ZNF654: variants seen among roughly 807,000 people sequenced by gnomAD.
ZNF654 encodes the protein melanoma-associated antigen.
Under a neutral mutation model 95.3 loss-of-function variants are expected in ZNF654, and 19 were observed. The ratio of observed to expected loss-of-function variants is 0.20; its 90% CI spans 0.14 to 0.29. ZNF654 has a LOEUF of 0.29. ZNF654 is among the 10% of genes least tolerant of loss of function. The pLI is 1.00. For missense variants in ZNF654, 1,046 were observed against 1,341.0 expected, an observed-to-expected ratio of 0.78 and a Z score of 3.44; for synonymous variants, 413 against 457.9, an observed-to-expected ratio of 0.90 and a Z score of 1.25.
Position 88,129,774 on chromosome 3 carries a change from T to G in ZNF654, c.841T>G (p.Cys281Gly), listed in dbSNP as rs1706336866. ...CAAAACTATGTTAGCCTTGCAACTC[T>G]GTGAATCCTTTCTTATTCCACAGCT... ...EGKTMLALQL[C>G]ESFLIPQLQN... The change falls in exon 6 of 9, where the codon TGT becomes GGT. Residue 281 changes from cysteine to glycine, a missense_variant. Transcript: ENST00000636215. 1 of 1,527,882 alleles carries G rather than the reference T, an allele frequency of 6.5e-7. No homozygotes were observed. Among genetic ancestry groups the G allele is most frequent in the South Asian group, 1.2e-5 (1 of 82,982 alleles). 94.6% of individuals were successfully genotyped at this position (1,527,882 alleles called of 1,614,324 possible).
At chr3:88,081,162 A>AT (rs1211068836) in intron 1 of ZNF654, among the ~76,000 whole-genome samples, 1 of 152,130 alleles carries the variant, frequency 6.6e-6, no homozygotes, top group Non-Finnish European at 1.5e-5. Context: ...CAATCTATGC[A>AT]TTTTTGGCAG....
chr3:88,073,753 T>C (rs891658609), intron 1 of ZNF654, among the ~76,000 whole-genome samples: 1 of 152,116 alleles, frequency 6.6e-6, no homozygotes, highest in African/African-American at 2.4e-5. Flanking sequence ...AGTGCATTCT[T>C]CTTAAAAAAA....
chr3:88,119,411 A>AGGGGGGG (rs1705629599), intron 3 of ZNF654, among the ~76,000 whole-genome samples: 42 of 37,202 alleles, frequency 1.1e-3, no homozygotes, highest in Admixed American at 1.8e-3. Context: ...GGGAGGGGGG[A>AGGGGGGG]GGGATAGCAT....
At chr3:88,095,513 A>G (rs1704007279) in intron 2 of ZNF654, 2 of 484,874 alleles carry the variant, frequency 4.1e-6, no homozygotes, top group Non-Finnish European at 8.2e-6. Flanking sequence ...GACAGTTCAC[A>G]TTAGCTTCTT....
At chr3:88,089,638 T>A (rs1218862651) in intron 2 of ZNF654, among the ~76,000 whole-genome samples, 2 of 152,170 alleles carry the variant, frequency 1.3e-5, no homozygotes, top group Non-Finnish European at 2.9e-5. Flanking sequence ...CCATCTTTCC[T>A]CTTTGGGCTT....
chr3:88,111,613 A>T (rs1276308062), intron 2 of ZNF654, among the ~76,000 whole-genome samples: 1 of 151,906 alleles, frequency 6.6e-6, no homozygotes, highest in Non-Finnish European at 1.5e-5. Context: ...CATTCTGAAT[A>T]TTTCCAGTTT....
chr3:88,096,561 T>C (rs1284897937), intron 2 of ZNF654, among the ~76,000 whole-genome samples: 3 of 152,148 alleles, frequency 2.0e-5, no homozygotes, highest in Non-Finnish European at 4.4e-5. Context: ...GAATTTTAGA[T>C]TGGCAATTTT....
At chr3:88,119,464 C>T (rs1337376610) in intron 3 of ZNF654, among the ~76,000 whole-genome samples, 39 of 146,664 alleles carry the variant, frequency 2.7e-4, no homozygotes, top group Admixed American at 1.3e-3. Context: ...AGTGGGTGTG[C>T]GCACCAGCAT....
rs67376749 is a variant in ZNF654, at chr3:88,059,390, C to G, written c.71C>G (p.Pro24Arg). 3 of 1,535,258 alleles carry G rather than the reference C, an allele frequency of 2.0e-6. No homozygotes were observed. The highest frequency in any genetic ancestry group is 8.7e-7 in the Non-Finnish European group (1 of 1,146,684). Residue 24 changes from proline to arginine, a missense_variant, in exon 1 of 9, where the codon CCG becomes CGG. Pro to Arg is a moderately radical substitution (Grantham distance 103, BLOSUM62 -2). This residue lies in a region of ZNF654 where 89 missense variants were observed against 77.9 expected (regional missense o/e 1.14). Transcript: ENST00000636215. Reference sequence around the variant, plus strand: ...GAGCTTGTGGCCATTGTGGAGTCCCCGCTGGGCCCTGTGGGGCTTAGAGCT... The same window carrying G: ...GAGCTTGTGGCCATTGTGGAGTCCCGGCTGGGCCCTGTGGGGCTTAGAGCT... ...GEELVAIVES[P>R]LGPVGLRAAG...
intron 2 of ZNF654, among the ~76,000 whole-genome samples, chr3:88,099,508 C>T (rs995934423): frequency 1.3e-5 from 2 of 151,994 alleles, no homozygotes; most frequent in East Asian, 1.9e-4. Flanking sequence ...AAAAAGAGCC[C>T]GCATTGCCAA....
chr3:88,059,564 C>G (rs1434733764), intron 1 of ZNF654, 59 bp downstream of exon 1: 23 of 1,444,414 alleles, frequency 1.6e-5, no homozygotes, highest in Non-Finnish European at 2.1e-5. Context: ...CTCTGCGTCT[C>G]CTGGTCTTCT....
chr3:88,061,103 G>C (rs9310066), intron 1 of ZNF654, among the ~76,000 whole-genome samples: 119,121 of 152,034 alleles, frequency 0.78, 47,575 homozygotes, highest in South Asian at 0.91. Context: ...CACTTGTTTT[G>C]TAACTATACC....
chr3:88,083,446 A>G (rs1424247971), intron 1 of ZNF654, among the ~76,000 whole-genome samples: 1 of 152,150 alleles, frequency 6.6e-6, no homozygotes. Flanking sequence ...GTGCTGCTGG[A>G]TTATTAGCAT....
intron 2 of ZNF654, among the ~76,000 whole-genome samples, chr3:88,093,158 C>CT (rs1433883627): frequency 6.6e-6 from 1 of 152,136 alleles, no homozygotes; most frequent in Non-Finnish European, 1.5e-5. Flanking sequence ...AGTTGGGGGA[C>CT]TTTTGCAAAT....
At chr3:88,101,050 T>G (rs1412753640) in intron 2 of ZNF654, among the ~76,000 whole-genome samples, 1 of 152,210 alleles carries the variant, frequency 6.6e-6, no homozygotes, top group East Asian at 1.9e-4. Context: ...GTTATCAGTA[T>G]ATTGTCAATC....
At chr3:88,107,718 T>C (rs368473045) in intron 2 of ZNF654, among the ~76,000 whole-genome samples, 30 of 152,284 alleles carry the variant, frequency 2.0e-4, no homozygotes, top group African/African-American at 7.0e-4. Flanking sequence ...TTTTTCAGTG[T>C]ACCAATTTTT....
chr3:88,135,491 G>C (rs1022189721), intron 7 of ZNF654: 14 of 200,010 alleles, frequency 7.0e-5, no homozygotes, highest in Non-Finnish European at 1.2e-4. Flanking sequence ...CCCATTTATA[G>C]AATCTTAACT....
At chr3:88,087,341 C>A (rs1708390374) in intron 2 of ZNF654, among the ~76,000 whole-genome samples, 1 of 152,186 alleles carries the variant, frequency 6.6e-6, no homozygotes, top group Non-Finnish European at 1.5e-5. Context: ...TTCCAAAGTG[C>A]TGGGATTACA....
At chr3:88,116,559 T>TACACACACACACACACACACACACAC (rs140401038) in intron 3 of ZNF654, among the ~76,000 whole-genome samples, 1 of 146,654 alleles carries the variant, frequency 6.8e-6, no homozygotes, top group African/African-American at 2.5e-5. Flanking sequence ...CATACATATA[T>TACACACACACACACACACACACACAC]ATACACACAC....
Sources: gnomAD v4.1 joint callset for allele counts (sites outside exome capture counted in the v4.1 genomes callset) on GRCh38, gnomAD v4.1.1 for gene constraint, gnomAD v4.1.1 regional missense constraint, MANE v1.5 for transcripts, NCBI Gene and HGNC (gene_info 2026-07-23, HGNC 2026-07-21) for gene names.